ELAC1: variants seen among roughly 807,000 people sequenced by gnomAD.
The protein encoded by ELAC1 is zinc phosphodiesterase ELAC protein 1.
Under a neutral mutation model 25.8 loss-of-function variants are expected in ELAC1, and 19 were observed. The ratio of observed to expected loss-of-function variants is 0.74; its 90% CI spans 0.51 to 1.08. The LOEUF (loss-of-function observed/expected upper bound fraction) is 1.08, where lower values mean the gene tolerates loss of function less well. Ranked by LOEUF, ELAC1 falls within the 50% of genes least tolerant of loss-of-function variation. ELAC1 has a pLI of 0.00. For synonymous variants in ELAC1, 148 were observed against 160.9 expected (o/e 0.92, Z 0.61); for missense variants, 403 against 434.6 (o/e 0.93, Z 0.65).
chr18:50,970,425 C>A (rs1907620776), intron 1 of ELAC1, among the ~76,000 whole-genome samples: 1 of 152,148 alleles, frequency 6.6e-6, no homozygotes, highest in Non-Finnish European at 1.5e-5. Flanking sequence ...TCTGTTTATT[C>A]TTACCTATCT....
Position 50,986,609 on chromosome 18 carries a change from T to G in ELAC1, c.626-10T>G. 1 of 1,583,046 alleles carries G rather than the reference T, an allele frequency of 6.3e-7. No individual in the cohort carries two copies. Among genetic ancestry groups the G allele is most frequent in the Non-Finnish European group, 8.6e-7 (1 of 1,159,362 alleles). On this transcript the variant is annotated splice_polypyrimidine_tract_variant and intron_variant, in intron 3 of 3. Coordinates refer to ENST00000269466, the MANE Select transcript of ELAC1 (RefSeq NM_018696.3). Reference sequence around the variant, plus strand: ...TCCTATGATGTAATGTTATCTGCCTTCATCATTAGGTGTTCCACCAGGTCC... The same window carrying G: ...TCCTATGATGTAATGTTATCTGCCTGCATCATTAGGTGTTCCACCAGGTCC...
At chr18:50,981,048 G>A (rs982510247) in intron 2 of ELAC1, among the ~76,000 whole-genome samples, 1 of 151,964 alleles carries the variant, frequency 6.6e-6, no homozygotes, top group East Asian at 1.9e-4. Context: ...AATGTACATT[G>A]TACCCATCAG....
chr18:50,974,366 AAAT>A (rs1405388162), intron 1 of ELAC1, 28 bp from the exon 2 acceptor site: 2 of 1,503,966 alleles, frequency 1.3e-6, no homozygotes, highest in African/African-American at 2.8e-5. Context: ...CAGTGATATG[AAAT>A]AATCCCCAGA....
At chr18:50,976,534 A>G (rs1907799681) in intron 2 of ELAC1, among the ~76,000 whole-genome samples, 1 of 152,164 alleles carries the variant, frequency 6.6e-6, no homozygotes, top group Non-Finnish European at 1.5e-5. Context: ...GAACAGCATG[A>G]GAGAACCTGC....
chr18:50,980,632 G>A (rs1375776233), intron 2 of ELAC1, among the ~76,000 whole-genome samples: 1 of 151,320 alleles, frequency 6.6e-6, no homozygotes, highest in Non-Finnish European at 1.5e-5. Context: ...GCGTGGTGGC[G>A]GGTGCCTGTA....
chr18:50,976,430 G>GCGTGTCTTA (rs1907797422), intron 2 of ELAC1, among the ~76,000 whole-genome samples: 1 of 152,164 alleles, frequency 6.6e-6, no homozygotes, highest in African/African-American at 2.4e-5. Context: ...CAGAGCAAAG[G>GCGTGTCTTA]CGTGTCTTAC....
chr18:50,984,034 C>A, intron 2 of ELAC1, 62 bp from the exon 3 acceptor site: 1 of 1,097,880 alleles, frequency 9.1e-7, no homozygotes, highest in Non-Finnish European at 1.3e-6. Flanking sequence ...TTTCAAATAG[C>A]TTTGTATGGG....
intron 2 of ELAC1, among the ~76,000 whole-genome samples, chr18:50,981,979 T>C (rs546788198): frequency 9.2e-5 from 14 of 152,052 alleles, no homozygotes; most frequent in African/African-American, 3.1e-4. Context: ...CCTGAGTAGC[T>C]GGGATTACAG....
At chr18:50,982,885 T>A (rs1907990499) in intron 2 of ELAC1, among the ~76,000 whole-genome samples, 2 of 152,100 alleles carry the variant, frequency 1.3e-5, no homozygotes, top group African/African-American at 4.8e-5. Flanking sequence ...TTTTTCTCCA[T>A]CTTCTTCCAC....
In ELAC1 at chr18:50,984,227, G is replaced by C. The variant is rs754558893; in HGVS notation, c.289G>C (p.Val97Leu). 6.2e-7 allele frequency: 1 copy of C among 1,614,186 alleles called. No individual in the cohort carries two copies. Among genetic ancestry groups the C allele is most frequent in the Non-Finnish European group, 8.5e-7 (1 of 1,180,020 alleles). The stretch of plus-strand genomic sequence containing the variant: ...ACAGCCTATTGAAATCTATGGCCCT[G>C]TAGGGCTTCGGGACTTTATCTGGCG... The part of the protein sequence containing the change: ...SKQPIEIYGP[V>L]GLRDFIWRTM... Residue 97 changes from valine (V) to leucine (L), a missense_variant, in exon 3 of 4, where the codon GTA becomes CTA. Physicochemically the swap from Val to Leu is conservative, Grantham distance 32. Coordinates refer to ENST00000269466, the MANE Select transcript of ELAC1 (RefSeq NM_018696.3).
At chr18:50,986,446 A>C (rs1213085082) in intron 3 of ELAC1, among the ~76,000 whole-genome samples, 173 bp from the exon 4 acceptor site, 1 of 152,232 alleles carries the variant, frequency 6.6e-6, no homozygotes, top group Non-Finnish European at 1.5e-5. Flanking sequence ...TGCTAATATC[A>C]ATCAACACTG....
intron 3 of ELAC1, among the ~76,000 whole-genome samples, chr18:50,985,552 G>C (rs952036158): frequency 1.3e-5 from 2 of 152,228 alleles, no homozygotes; most frequent in Non-Finnish European, 2.9e-5. Flanking sequence ...TATCTCCAGT[G>C]TCACTGCCTT....
At chr18:50,986,469 T>G (rs1908110938) in intron 3 of ELAC1, 150 bp from the exon 4 acceptor site, 3 of 658,506 alleles carry the variant, frequency 4.6e-6, no homozygotes, top group Non-Finnish European at 7.6e-6. Flanking sequence ...ATTTTAAAAA[T>G]GTATAAATCC....
intron 2 of ELAC1, among the ~76,000 whole-genome samples, chr18:50,980,731 C>G (rs1265732226): frequency 1.4e-5 from 2 of 146,006 alleles, no homozygotes; most frequent in Non-Finnish European, 3.0e-5. Context: ...CCACTGCACT[C>G]TAGCCTGGGT....
In ELAC1 at chr18:50,987,075, T is replaced by A; in HGVS notation, c.1082T>A (p.Ile361Asn). Residue 361 changes from isoleucine to asparagine, a missense_variant, in exon 4 of 4, where the codon ATC (isoleucine) becomes AAC (asparagine). Physicochemically the swap from Ile to Asn is moderately radical, Grantham distance 149. Coordinates refer to ENST00000269466, the MANE Select transcript of ELAC1 (RefSeq NM_018696.3). ...GATTTTATGGTGATAAGCATTCCAA[T>A]CAAGAAATGAAACCAGTGTTCCTGA... ...AEDFMVISIP[I>N]KK 1.3e-6 allele frequency: 2 copies of A among 1,536,528 alleles called. No homozygotes were observed. Among genetic ancestry groups the A allele is most frequent in the Non-Finnish European group, 1.8e-6 (2 of 1,141,018 alleles).
At chr18:50,971,908 G>GTATATATATATATA (rs755062125) in intron 1 of ELAC1, among the ~76,000 whole-genome samples, 35 of 127,208 alleles carry the variant, frequency 2.8e-4, no homozygotes, top group African/African-American at 1.2e-3. Context: ...GTGTGTGTGT[G>GTATATATATATATA]TGTGTATATA....
chr18:50,986,185 C>T (rs1446245421), intron 3 of ELAC1, among the ~76,000 whole-genome samples: 3 of 151,808 alleles, frequency 2.0e-5, no homozygotes, highest in African/African-American at 4.8e-5. Context: ...GCACCTGCCT[C>T]GGCCTCGCAC....
Position 50,984,152 on chromosome 18 carries a change from C to T in ELAC1, c.214C>T (p.Pro72Ser). 6.2e-7 allele frequency: 1 copy of T among 1,613,874 alleles called. No homozygotes were observed. The highest frequency in any genetic ancestry group is 8.5e-7 in the Non-Finnish European group (1 of 1,179,948). The stretch of plus-strand genomic sequence containing the variant: ...TCATGGAGACCATTTCTTTGGCCTT[C>T]CTGGGCTCCTCTGCACAATCAGCCT... ...HLHGDHFFGL[P>S]GLLCTISLQS... The change falls in exon 3 of 4, where the codon CCT becomes TCT. Residue 72 changes from proline to serine, a missense_variant. Pro to Ser is a moderately conservative substitution (Grantham distance 74, BLOSUM62 -1). Coordinates refer to ENST00000269466, the MANE Select transcript of ELAC1 (RefSeq NM_018696.3).
intron 2 of ELAC1, among the ~76,000 whole-genome samples, chr18:50,981,534 C>A (rs941342563): frequency 6.6e-6 from 1 of 152,110 alleles, no homozygotes; most frequent in African/African-American, 2.4e-5. Flanking sequence ...CTTCCTTGTT[C>A]CCAAGGAAAA....
Sources: gnomAD v4.1 joint callset for allele counts (sites outside exome capture counted in the v4.1 genomes callset) on GRCh38, gnomAD v4.1.1 for gene constraint, MANE v1.5 for transcripts, NCBI Gene and HGNC (gene_info 2026-07-23, HGNC 2026-07-21) for gene names.